The following CSNK1G1 variants were observed in gnomAD, a reference collection of about 807,000 sequenced individuals.
CSNK1G1 encodes casein kinase I isoform gamma-1.
In CSNK1G1, 22 loss-of-function variants were observed where a neutral mutation model predicts 59.6. The observed-to-expected ratio is 0.37, with a 90% CI of 0.26 to 0.53. The LOEUF (loss-of-function observed/expected upper bound fraction) is 0.53, where lower values mean the gene tolerates loss of function less well. Ranked by LOEUF, CSNK1G1 falls within the 20% of genes least tolerant of loss-of-function variation. CSNK1G1 has a pLI of 0.89. For missense variants in CSNK1G1, 384 were observed against 519.5 expected (o/e 0.74, Z 2.54); for synonymous variants, 179 against 177.1 (o/e 1.01, Z -0.08).
chr15:64,236,410 C>G (rs1440167627), intron 4 of CSNK1G1, among the ~76,000 whole-genome samples: 1 of 152,094 alleles, frequency 6.6e-6, no homozygotes, highest in African/African-American at 2.4e-5. Context: ...TGACAGGGGA[C>G]TAATAACCAG....
intron 1 of CSNK1G1, among the ~76,000 whole-genome samples, chr15:64,344,780 CCT>C (rs1275849753): frequency 1.3e-5 from 2 of 152,182 alleles, no homozygotes; most frequent in African/African-American, 2.4e-5. Flanking sequence ...AGTCACTTAG[CCT>C]CTCTGCACTT....
chr15:64,174,375 A>G (rs79370110), intron 11 of CSNK1G1, among the ~76,000 whole-genome samples: 7,943 of 152,362 alleles, frequency 0.052, 214 homozygotes, highest in South Asian at 0.078. Flanking sequence ...TTAAAGCTTC[A>G]GCAGTGGCAA....
chr15:64,347,999 T>A (rs1408122722), intron 1 of CSNK1G1, among the ~76,000 whole-genome samples: 3 of 148,924 alleles, frequency 2.0e-5, no homozygotes, highest in African/African-American at 7.4e-5. Flanking sequence ...AGCACAACTC[T>A]GTGTCAAAAA....
chr15:64,229,902 A>ATTTTTTTTTTTTTTTTT lies in CSNK1G1; in HGVS notation c.293-13206_293-13190dup. 2.8e-3 allele frequency among the ~76,000 whole-genome samples: 122 copies of ATTTTTTTTTTTTTTTTT among 43,800 alleles called. 35 individuals are homozygous for ATTTTTTTTTTTTTTTTT. Among genetic ancestry groups the ATTTTTTTTTTTTTTTTT allele is most frequent in the East Asian group, 0.015 (14 of 934 alleles). The allele number at this position is 43,800 out of a possible 152,430, so 28.7% of individuals were successfully genotyped here. A position where few individuals can be genotyped will look rare whatever the true frequency, so the allele number is the denominator to read the frequency against. On this transcript the variant is annotated intron_variant, in intron 4 of 11. Transcript: ENST00000303052. Reference sequence around the variant, plus strand: ...CCTATATTTTTGGGCATGTTTGTAAATTTTTTTTTTTTTTTTTTTTTTTTT... The same window carrying ATTTTTTTTTTTTTTTTT: ...CCTATATTTTTGGGCATGTTTGTAAATTTTTTTTTTTTTTTTTTTTTTTTTTTTTTTTTTTTTTTTTT...
At chr15:64,194,342 C>CT (rs144287899) in intron 10 of CSNK1G1, 26,166 of 144,744 alleles carry the variant, frequency 0.18, 2,896 homozygotes, top group African/African-American at 0.33. Flanking sequence ...ACTATATCAG[C>CT]TTTTTTTTTT....
chr15:64,247,479 T>C (rs990720776), intron 4 of CSNK1G1, among the ~76,000 whole-genome samples: 1 of 152,222 alleles, frequency 6.6e-6, no homozygotes, highest in Non-Finnish European at 1.5e-5. Flanking sequence ...TCTTAAGCAT[T>C]AAGTCTTGAA....
intron 2 of CSNK1G1, among the ~76,000 whole-genome samples, chr15:64,293,542 C>T (rs61585317): frequency 0.014 from 2,133 of 152,248 alleles, 49 homozygotes; most frequent in African/African-American, 0.049. Context: ...CAATGTGTAA[C>T]AAAATTGCAA....
At chr15:64,247,653 C>G (rs772545172) in intron 4 of CSNK1G1, among the ~76,000 whole-genome samples, 5 of 152,150 alleles carry the variant, frequency 3.3e-5, no homozygotes, top group African/African-American at 1.2e-4. Flanking sequence ...TTACCCAGTG[C>G]TGTCATTTTT....
chr15:64,182,551 C>T (rs1034519435), intron 10 of CSNK1G1, among the ~76,000 whole-genome samples: 2 of 152,102 alleles, frequency 1.3e-5, no homozygotes, highest in South Asian at 4.1e-4. Flanking sequence ...CTGGGGACAA[C>T]TGGAATTAGG....
intron 2 of CSNK1G1, among the ~76,000 whole-genome samples, chr15:64,289,178 T>C (rs1894596755): frequency 1.5e-5 from 2 of 136,142 alleles, no homozygotes; most frequent in South Asian, 4.9e-4. Context: ...AGACTCTGTA[T>C]CAAAAAAAAA....
Position 64,214,208 on chromosome 15 carries a change from G to A in CSNK1G1, c.445-84C>T. ...AAACAGTTTCTTTAGCCAGACCAAGGTTTTAATTATTGAAATAACAGTAAA... is the reference window on the plus strand; with the variant it reads ...AAACAGTTTCTTTAGCCAGACCAAGATTTTAATTATTGAAATAACAGTAAA... On this transcript the variant is annotated intron_variant, in intron 5 of 11. Coordinates refer to ENST00000303052, the MANE Select transcript of CSNK1G1 (RefSeq NM_022048.5). The surrounding 1 kb of genome is among the most constrained non-coding windows in gnomAD (Gnocchi z 4.3). 1 of 988,360 alleles carries A rather than the reference G, an allele frequency of 1.0e-6. No individual in the cohort carries two copies. The highest frequency in any genetic ancestry group is 1.6e-6 in the Non-Finnish European group (1 of 632,466). 61.2% of individuals were successfully genotyped at this position (988,360 alleles called of 1,614,324 possible). A position where few individuals can be genotyped will look rare whatever the true frequency, so the allele number is the denominator to read the frequency against.
At chr15:64,291,298 C>T (rs561895746) in intron 2 of CSNK1G1, among the ~76,000 whole-genome samples, 1 of 152,210 alleles carries the variant, frequency 6.6e-6, no homozygotes, top group South Asian at 2.1e-4. Context: ...AATTATGTTA[C>T]ATTTTGGTCT....
chr15:64,229,859 C>CAA (rs568587287), intron 4 of CSNK1G1, among the ~76,000 whole-genome samples: 1,014 of 94,602 alleles, frequency 0.011, 13 homozygotes, highest in African/African-American at 0.037. Context: ...TGCAATACTA[C>CAA]AAAAAAAAAT....
chr15:64,230,304 T>G (rs897543669), intron 4 of CSNK1G1, among the ~76,000 whole-genome samples: 1 of 149,222 alleles, frequency 6.7e-6, no homozygotes, highest in Non-Finnish European at 1.5e-5. Flanking sequence ...CAGTTTTGGT[T>G]TTTTTTTTTT....
At chr15:64,253,067 G>A (rs1431082158) in intron 3 of CSNK1G1, among the ~76,000 whole-genome samples, 16 of 151,966 alleles carry the variant, frequency 1.1e-4, no homozygotes, top group Non-Finnish European at 2.1e-4. Context: ...AAAATAGGAC[G>A]GGCATGGTGG....
intron 1 of CSNK1G1, among the ~76,000 whole-genome samples, chr15:64,335,123 T>A (rs900781697): frequency 1.3e-5 from 2 of 152,164 alleles, no homozygotes; most frequent in African/African-American, 4.8e-5. Flanking sequence ...TCAGAACACA[T>A]CCTGTGTGAG....
At chr15:64,207,086 G>A (rs1482070070) in intron 7 of CSNK1G1, among the ~76,000 whole-genome samples, 3 of 152,144 alleles carry the variant, frequency 2.0e-5, no homozygotes, top group Admixed American at 2.0e-4. Flanking sequence ...TCAAGCCTGG[G>A]AGGAAATGAG....
intron 1 of CSNK1G1, among the ~76,000 whole-genome samples, chr15:64,315,366 C>T (rs1896214511): frequency 6.6e-6 from 1 of 152,114 alleles, no homozygotes; most frequent in Non-Finnish European, 1.5e-5. Flanking sequence ...AGCAGGAGTC[C>T]ATTGTTCAGG....
At chr15:64,280,269 A>C (rs1894051882) in intron 2 of CSNK1G1, among the ~76,000 whole-genome samples, 1 of 152,164 alleles carries the variant, frequency 6.6e-6, no homozygotes, top group Non-Finnish European at 1.5e-5. Flanking sequence ...ATGTTGAAAA[A>C]AGACAGCCCT....
Sources: allele counts gnomAD v4.1 joint callset (sites outside exome capture counted in the v4.1 genomes callset), GRCh38; gene constraint gnomAD v4.1.1; non-coding constraint Gnocchi (gnomAD v3.1); transcripts MANE v1.5; gene names NCBI Gene and HGNC (gene_info 2026-07-23, HGNC 2026-07-21).